The following CNR2 variants were observed in gnomAD, a reference collection of about 807,000 sequenced individuals.
CNR2 encodes the protein cannabinoid receptor 2, also known as cannabinoid receptor 2 (macrophage).
For synonymous variants in CNR2, 172 were observed against 182.2 expected (o/e 0.94, Z 0.45); for missense variants, 379 against 439.9 (o/e 0.86, Z 1.24).
At chr1:23,891,083 T>C (rs1238330462) in intron 1 of CNR2, among the ~76,000 whole-genome samples, 3 of 151,782 alleles carry the variant, frequency 2.0e-5, no homozygotes, top group African/African-American at 7.3e-5. Context: ...TTTCACCATG[T>C]TGGCCAGCCT....
intron 1 of CNR2, among the ~76,000 whole-genome samples, chr1:23,901,045 T>TG (rs1416792005): frequency 6.6e-6 from 1 of 151,608 alleles, no homozygotes; most frequent in African/African-American, 2.4e-5. Context: ...TCTTTCTTTT[T>TG]TTAATTGTAG....
intron 1 of CNR2, among the ~76,000 whole-genome samples, chr1:23,896,253 G>A (rs1040527826): frequency 5.3e-4 from 81 of 152,304 alleles, no homozygotes; most frequent in African/African-American, 1.8e-3. Context: ...AGGCTGTTGG[G>A]CTTTGGAGTC....
intron 1 of CNR2, among the ~76,000 whole-genome samples, chr1:23,905,458 G>A (rs1352312710): frequency 6.6e-6 from 1 of 151,028 alleles, no homozygotes; most frequent in Non-Finnish European, 1.5e-5. Context: ...GGGATTACAG[G>A]CATGAGCCAC....
intron 1 of CNR2, among the ~76,000 whole-genome samples, chr1:23,912,496 G>A (rs898753257): frequency 6.6e-6 from 1 of 152,246 alleles, no homozygotes; most frequent in South Asian, 2.1e-4. Flanking sequence ...AAGCCGGAGT[G>A]CCTAGGCTCA....
At chr1:23,900,450 G>GGTCA (rs1640379082) in intron 1 of CNR2, among the ~76,000 whole-genome samples, 2 of 151,438 alleles carry the variant, frequency 1.3e-5, no homozygotes, top group Non-Finnish European at 2.9e-5. Context: ...GCTTATAGAC[G>GGTCA]GAGGGGCATG....
intron 1 of CNR2, among the ~76,000 whole-genome samples, chr1:23,904,640 C>T (rs921264374): frequency 2.0e-5 from 3 of 152,076 alleles, no homozygotes; most frequent in African/African-American, 7.2e-5. Context: ...AATCTGTCAG[C>T]CATCGGGAAG....
Position 23,901,560 on chromosome 1 carries a change from C to T in CNR2, c.-46+11686G>A. 8 of 1,613,144 alleles carry T rather than the reference C, an allele frequency of 5.0e-6. No homozygotes were observed. The South Asian group carries it at 7.7e-5, about 16-fold the overall frequency. ...GAGGAGCACTGGAACTGGAAGGCCA[C>T]CTTTCTGCACTGCACTTGCGTCATC... On this transcript the variant is annotated intron_variant, in intron 1 of 1. Coordinates refer to ENST00000374472, the MANE Select transcript of CNR2 (RefSeq NM_001841.3).
intron 1 of CNR2, among the ~76,000 whole-genome samples, chr1:23,913,029 C>T (rs1228983783): frequency 6.6e-5 from 10 of 152,036 alleles, no homozygotes; most frequent in South Asian, 2.1e-4. Flanking sequence ...TAGCCAGACG[C>T]AGTAGTGCAC....
At chr1:23,880,181 A>C (rs1333593131) in intron 1 of CNR2, among the ~76,000 whole-genome samples, 2 of 31,638 alleles carry the variant, frequency 6.3e-5, no homozygotes. Context: ...CCCAACTTCC[A>C]ACTCTTTTTT....
chr1:23,906,717 A>G (rs1640491529), intron 1 of CNR2, among the ~76,000 whole-genome samples: 1 of 151,638 alleles, frequency 6.6e-6, no homozygotes, highest in Admixed American at 6.6e-5. Context: ...TATGTTTGCT[A>G]TATGATAAGA....
intron 1 of CNR2, among the ~76,000 whole-genome samples, chr1:23,903,875 T>C (rs1330042214): frequency 6.6e-6 from 1 of 152,222 alleles, no homozygotes; most frequent in Non-Finnish European, 1.5e-5. Flanking sequence ...TGTCTGAGGT[T>C]GCACAAAAGG....
At position 23,874,700 on chromosome 1, in the gene CNR2, G is replaced by A; in HGVS notation, c.918C>T (p.Ile306=). ...CCAGGCAGTGATGGGCAGAGGAGCGGATCTCTCCACTCCGTAGAGCATAGA... is the reference window on the plus strand; with the variant it reads ...CCAGGCAGTGATGGGCAGAGGAGCGAATCTCTCCACTCCGTAGAGCATAGA... The part of the protein sequence containing the change: ...PVIYALRSGE[I]RSSAHHCLAH... Residue 306 remains isoleucine, a synonymous_variant, in exon 2 of 2, where the codon ATC becomes ATT. Transcript: ENST00000374472. 1 of 1,614,182 alleles carries A rather than the reference G, an allele frequency of 6.2e-7. No homozygotes were observed. The highest frequency in any genetic ancestry group is 8.5e-7 in the Non-Finnish European group (1 of 1,180,030).
At chr1:23,885,265 C>T (rs886671750) in intron 1 of CNR2, among the ~76,000 whole-genome samples, 6 of 102,568 alleles carry the variant, frequency 5.8e-5, no homozygotes, top group Non-Finnish European at 1.1e-4. Context: ...ACCACCATCT[C>T]CTTAAAAAAA....
chr1:23,909,060 C>G (rs1387068162), intron 1 of CNR2, among the ~76,000 whole-genome samples: 1 of 151,976 alleles, frequency 6.6e-6, no homozygotes, highest in African/African-American at 2.4e-5. Flanking sequence ...CACCGGACAC[C>G]GAACCACGAA....
chr1:23,894,321 T>C (rs7553326), intron 1 of CNR2, among the ~76,000 whole-genome samples: 1 of 151,996 alleles, frequency 6.6e-6, no homozygotes, highest in Admixed American at 6.6e-5. Flanking sequence ...CTCGGGTGGC[T>C]GAGGCAGGAG....
rs28715415 is a variant in CNR2 at position 23,888,698 on chromosome 1, C to T, written c.-45-13036G>A. On this transcript the variant is annotated intron_variant, in intron 1 of 1. Coordinates refer to ENST00000374472, the MANE Select transcript of CNR2 (RefSeq NM_001841.3). Reference sequence around the variant, plus strand: ...ATTAAAAAAGAAAAAAGGCCAGGCGCGGTGGCTCACGCCTGTAATCCCAGC... The same window carrying T: ...ATTAAAAAAGAAAAAAGGCCAGGCGTGGTGGCTCACGCCTGTAATCCCAGC... Among the ~76,000 whole-genome samples, 118 of 152,186 alleles carry T rather than the reference C, an allele frequency of 7.8e-4. 2 individuals are homozygous for T. The East Asian group carries it at 0.02, about 26-fold the overall frequency.
At position 23,874,367 on chromosome 1, in the gene CNR2, G is replaced by A. The variant is rs6699937; in HGVS notation, c.*168C>T. 2 of 736,730 alleles carry A rather than the reference G, an allele frequency of 2.7e-6. No homozygotes were observed. Among genetic ancestry groups the A allele is most frequent in the Non-Finnish European group, 4.4e-6 (2 of 453,034 alleles). The allele number at this position is 736,730 out of a possible 1,614,324, so 45.6% of individuals were successfully genotyped here. A position where few individuals can be genotyped will look rare whatever the true frequency, so the allele number is the denominator to read the frequency against. On this transcript the variant is annotated 3_prime_UTR_variant, in exon 2 of 2. Transcript: ENST00000374472. The stretch of plus-strand genomic sequence containing the variant: ...AACAGACTGTGTGCAGGTGGGCAAG[G>A]CCAGGCTGTCTTCCAGGAGTCAGTC...
intron 1 of CNR2, among the ~76,000 whole-genome samples, chr1:23,883,376 G>A (rs1405972996): frequency 1.3e-5 from 2 of 152,224 alleles, no homozygotes; most frequent in Non-Finnish European, 2.9e-5. Context: ...GGTGCGTCCA[G>A]GGAGGCATGT....
At chr1:23,876,076 C>T (rs1000317078) in intron 1 of CNR2, among the ~76,000 whole-genome samples, 19 of 151,996 alleles carry the variant, frequency 1.3e-4, no homozygotes, top group African/African-American at 4.4e-4. Context: ...TTGCCAATTT[C>T]GGCAAGTAAA....
Sources: allele counts gnomAD v4.1 joint callset (sites outside exome capture counted in the v4.1 genomes callset), GRCh38; gene constraint gnomAD v4.1.1; transcripts MANE v1.5; gene names NCBI Gene and HGNC (gene_info 2026-07-23, HGNC 2026-07-21).